Variants in ADGRA3 observed in about 807,000 individuals in gnomAD.
ADGRA3 encodes the protein G-protein coupled receptor 125.
A neutral mutation model predicts 119.8 loss-of-function variants in ADGRA3; 56 were observed. The observed-to-expected ratio is 0.47, with a 90% CI of 0.38 to 0.58. The LOEUF is 0.58. ADGRA3 is among the 20% of genes least tolerant of loss of function. The pLI, the probability that ADGRA3 is intolerant of heterozygous loss-of-function variation, is 0.00. For missense variants in ADGRA3, 1,516 were observed against 1,649.0 expected (o/e 0.92, Z 1.40); for synonymous variants, 607 against 623.8 (o/e 0.97, Z 0.40).
chr4:22,413,570 G>C, intron 13 of ADGRA3, 31 bp downstream of exon 13: 1 of 1,578,964 alleles, frequency 6.3e-7, no homozygotes, highest in Non-Finnish European at 8.7e-7. Flanking sequence ...ATTGTCCACT[G>C]ACTACAGGAT....
intron 1 of ADGRA3, among the ~76,000 whole-genome samples, chr4:22,483,083 A>G (rs1220380785): frequency 6.6e-6 from 1 of 152,202 alleles, no homozygotes; most frequent in Non-Finnish European, 1.5e-5. Flanking sequence ...AGCCTTCCTC[A>G]TAGCTGTGAC....
chr4:22,486,914 G>C (rs1033331646), intron 1 of ADGRA3, among the ~76,000 whole-genome samples: 6 of 152,152 alleles, frequency 3.9e-5, no homozygotes, highest in Non-Finnish European at 7.3e-5. Context: ...AGAATGTGTG[G>C]TGAAGCACTT....
intron 10 of ADGRA3, among the ~76,000 whole-genome samples, chr4:22,429,186 T>C (rs900280510): frequency 2.6e-5 from 4 of 152,108 alleles, no homozygotes; most frequent in South Asian, 2.1e-4. Context: ...TATTAAAAGA[T>C]AAAACATGCC....
chr4:22,419,422 A>C (rs73800943), intron 12 of ADGRA3, among the ~76,000 whole-genome samples: 3,211 of 152,244 alleles, frequency 0.021, 116 homozygotes, highest in African/African-American at 0.072. Context: ...ATTCAGTTTA[A>C]TCGTGTCCAC....
intron 1 of ADGRA3, among the ~76,000 whole-genome samples, chr4:22,498,959 A>G (rs912691484): frequency 7.9e-5 from 12 of 152,144 alleles, no homozygotes; most frequent in East Asian, 5.8e-4. Flanking sequence ...TCAGTTAACA[A>G]AAAGACAGCT....
At chr4:22,425,279 A>C (rs1458463269) in intron 10 of ADGRA3, among the ~76,000 whole-genome samples, 1 of 152,090 alleles carries the variant, frequency 6.6e-6, no homozygotes, top group Admixed American at 6.5e-5. Context: ...TGCTTTTAAG[A>C]TCTAATACAA....
At chr4:22,494,295 A>G (rs1236681316) in intron 1 of ADGRA3, among the ~76,000 whole-genome samples, 1 of 151,908 alleles carries the variant, frequency 6.6e-6, no homozygotes, top group Non-Finnish European at 1.5e-5. Flanking sequence ...CCATGGCAAC[A>G]TGAGGAAGTT....
At chr4:22,458,228 G>A (rs1717310756) in intron 3 of ADGRA3, among the ~76,000 whole-genome samples, 1 of 152,122 alleles carries the variant, frequency 6.6e-6, no homozygotes, top group South Asian at 2.1e-4. Flanking sequence ...AGGCATGGGT[G>A]CAAAACTGAC....
intron 14 of ADGRA3, 83 bp downstream of exon 14, chr4:22,413,099 C>CAA (rs150998541): frequency 3.2e-6 from 3 of 934,246 alleles, no homozygotes; most frequent in Non-Finnish European, 3.1e-6. Context: ...AAACAAAAAA[C>CAA]AAAAAAACAC....
chr4:22,427,336 C>T (rs1249058190), intron 10 of ADGRA3, among the ~76,000 whole-genome samples: 1 of 151,948 alleles, frequency 6.6e-6, no homozygotes, highest in Admixed American at 6.6e-5. Flanking sequence ...TTATAGGGAC[C>T]TGACATGAGA....
intron 11 of ADGRA3, among the ~76,000 whole-genome samples, chr4:22,422,466 CTTAT>C (rs1428241602): frequency 6.6e-6 from 1 of 152,076 alleles, no homozygotes; most frequent in Admixed American, 6.6e-5. Flanking sequence ...TTTAATTCAA[CTTAT>C]TTGTTAATAA....
At position 22,388,160 on chromosome 4, in the gene ADGRA3, G is replaced by A; in HGVS notation, c.3511C>T (p.His1171Tyr). The stretch of plus-strand genomic sequence containing the variant: ...TGTCCTTTACTTCTGTTTTTATGGT[G>A]GCGGCTTGAGTGCACATTTGTTCGA... ...QFRTNVHSSR[H>Y]HKNRSKGHRA... Residue 1171 changes from histidine (H) to tyrosine (Y), a missense_variant, in exon 19 of 19, where the codon CAC becomes TAC. His to Tyr is a moderately conservative substitution (Grantham distance 83). Around this residue, in one of 2 missense-constraint regions of ADGRA3, gnomAD observed 1,088 missense variants for 1,107.1 expected, o/e 0.98. Transcript: ENST00000334304. 6.2e-7 allele frequency: 1 copy of A among 1,613,928 alleles called. No homozygotes were observed. Among genetic ancestry groups the A allele is most frequent in the Non-Finnish European group, 8.5e-7 (1 of 1,179,972 alleles).
intron 1 of ADGRA3, among the ~76,000 whole-genome samples, chr4:22,493,409 T>G (rs75908386): frequency 0.025 from 3,751 of 152,274 alleles, 155 homozygotes; most frequent in African/African-American, 0.085. Context: ...TACAAGTGTA[T>G]CTTGAGTGTG....
intron 16 of ADGRA3, chr4:22,393,487 A>G (rs1348545649): frequency 6.6e-6 from 1 of 152,152 alleles, no homozygotes; most frequent in African/African-American, 2.4e-5. Flanking sequence ...AAGCAATATA[A>G]TAATATATTG....
intron 16 of ADGRA3, 109 bp from the exon 17 acceptor site, chr4:22,392,799 C>A: frequency 1.1e-6 from 1 of 941,642 alleles, no homozygotes; most frequent in Non-Finnish European, 1.6e-6. Flanking sequence ...GCAGGAAGGC[C>A]TATCCTAATA....
At chr4:22,445,996 A>G (rs1716816066) in intron 5 of ADGRA3, among the ~76,000 whole-genome samples, 1 of 152,228 alleles carries the variant, frequency 6.6e-6, no homozygotes, top group South Asian at 2.1e-4. Flanking sequence ...TCATGCCAAC[A>G]TGGAGGGCAT....
At chr4:22,470,602 T>C (rs1717825603) in intron 2 of ADGRA3, among the ~76,000 whole-genome samples, 1 of 152,196 alleles carries the variant, frequency 6.6e-6, no homozygotes, top group Admixed American at 6.5e-5. Flanking sequence ...TTTTACACCA[T>C]ACCCTATCTG....
chr4:22,456,832 T>C (rs895317264), intron 3 of ADGRA3, among the ~76,000 whole-genome samples: 2 of 152,204 alleles, frequency 1.3e-5, no homozygotes, highest in Non-Finnish European at 2.9e-5. Context: ...CCCTCTGTTA[T>C]GGCAACATTT....
chr4:22,397,175 C>CCT (rs1263022833), intron 16 of ADGRA3, among the ~76,000 whole-genome samples: 14 of 93,252 alleles, frequency 1.5e-4, no homozygotes, highest in African/African-American at 5.8e-4. Flanking sequence ...TACTGTAATT[C>CCT]TTTTTTTTTT....
Sources: allele counts gnomAD v4.1 joint callset (sites outside exome capture counted in the v4.1 genomes callset), GRCh38; gene constraint gnomAD v4.1.1; regional missense constraint gnomAD v4.1.1; transcripts MANE v1.5; gene names NCBI Gene and HGNC (gene_info 2026-07-23, HGNC 2026-07-21).